Variants in DIP2C observed in about 807,000 individuals in gnomAD.
DIP2C encodes DIP2 acetate--CoA ligase C (putative), also known as disco-interacting protein 2 homolog C.
A neutral mutation model predicts 192.4 loss-of-function variants in DIP2C; 33 were observed. The observed-to-expected ratio is 0.17, with a 90% CI of 0.13 to 0.23. The LOEUF is 0.23. DIP2C is among the 10% of genes least tolerant of loss of function. The pLI is 1.00. For missense variants in DIP2C, 1,537 were observed against 2,110.1 expected, an observed-to-expected ratio of 0.73 and a Z score of 5.32; for synonymous variants, 979 against 864.1, an observed-to-expected ratio of 1.13 and a Z score of -2.33.
At chr10:360,302 G>C (rs1408376365) in intron 22 of DIP2C, among the ~76,000 whole-genome samples, 3 of 152,130 alleles carry the variant, frequency 2.0e-5, no homozygotes, top group African/African-American at 7.2e-5. Context: ...AGTGTCCCCT[G>C]TTGAAGAGAG....
chr10:547,554 A>G (rs1300677571), intron 1 of DIP2C, among the ~76,000 whole-genome samples: 1 of 152,156 alleles, frequency 6.6e-6, no homozygotes, highest in Non-Finnish European at 1.5e-5. Context: ...ATCCAGGAGG[A>G]AGGGAGGGTG....
intron 1 of DIP2C, among the ~76,000 whole-genome samples, chr10:672,178 A>G (rs1176148997): frequency 6.6e-6 from 1 of 151,866 alleles, no homozygotes; most frequent in Non-Finnish European, 1.5e-5. Flanking sequence ...GACGGAGGAA[A>G]CACCACAGAC....
chr10:451,996 C>T (rs114346402), intron 3 of DIP2C, among the ~76,000 whole-genome samples: 1,587 of 152,034 alleles, frequency 0.01, 29 homozygotes, highest in African/African-American at 0.036. Flanking sequence ...CAGCTCAGGG[C>T]GACACAAGGA....
At chr10:481,920 T>C (rs1215098987) in intron 2 of DIP2C, among the ~76,000 whole-genome samples, 1 of 152,176 alleles carries the variant, frequency 6.6e-6, no homozygotes, top group Non-Finnish European at 1.5e-5. Context: ...CCACTTTCCG[T>C]GAGCAGGCAG....
At chr10:622,749 G>A (rs1853951587) in intron 1 of DIP2C, among the ~76,000 whole-genome samples, 1 of 152,148 alleles carries the variant, frequency 6.6e-6, no homozygotes, top group Non-Finnish European at 1.5e-5. Flanking sequence ...CGTTCTAAAT[G>A]TAACTTGCTC....
chr10:329,989 C>T (rs1213090374), intron 29 of DIP2C, among the ~76,000 whole-genome samples: 1 of 151,674 alleles, frequency 6.6e-6, no homozygotes, highest in East Asian at 1.9e-4. Context: ...AGCTGGCAAA[C>T]CACAGACACT....
At chr10:562,343 CAA>C (rs1408475721) in intron 1 of DIP2C, among the ~76,000 whole-genome samples, 1 of 152,192 alleles carries the variant, frequency 6.6e-6, no homozygotes, top group African/African-American at 2.4e-5. Flanking sequence ...ATGTGTTTGA[CAA>C]AGTTACAGGT....
chr10:578,463 T>C lies in DIP2C; in HGVS notation c.86-91933A>G, dbSNP rs560230635. Among the ~76,000 whole-genome samples, 12 of 152,318 alleles carry C rather than the reference T, an allele frequency of 7.9e-5. No homozygotes were observed. In the East Asian group the frequency reaches 2.3e-3, roughly 29 times the overall value. On this transcript the variant is annotated intron_variant, in intron 1 of 36. Transcript: ENST00000280886. Reference sequence around the variant, plus strand: ...AAATCACCAAGTCCCTGTTGTTTCGTTTCTCTCATCTGGGGATGAAACACA... The same window carrying C: ...AAATCACCAAGTCCCTGTTGTTTCGCTTCTCTCATCTGGGGATGAAACACA...
chr10:669,981 T>C (rs1857343498), intron 1 of DIP2C, among the ~76,000 whole-genome samples: 1 of 152,206 alleles, frequency 6.6e-6, no homozygotes, highest in Non-Finnish European at 1.5e-5. Context: ...TTATTAATGA[T>C]GAGCTACCCA....
intron 3 of DIP2C, among the ~76,000 whole-genome samples, chr10:441,668 CCCA>C (rs1772897463): frequency 6.6e-6 from 1 of 152,172 alleles, no homozygotes. Context: ...CCTTTTGCCT[CCCA>C]CCATGATTCT....
chr10:466,446 A>C (rs1204840116), intron 3 of DIP2C, among the ~76,000 whole-genome samples: 7 of 138,526 alleles, frequency 5.1e-5, no homozygotes, highest in Non-Finnish European at 1.1e-4. Flanking sequence ...CTAGAAGAAA[A>C]CCTAGGCATT....
intron 1 of DIP2C, among the ~76,000 whole-genome samples, chr10:631,639 A>G (rs570017767): frequency 6.6e-6 from 1 of 152,340 alleles, no homozygotes; most frequent in South Asian, 2.1e-4. Context: ...ATATTTTTAT[A>G]TAGAGACAAA....
At chr10:604,557 G>T (rs759729418) in intron 1 of DIP2C, among the ~76,000 whole-genome samples, 2 of 152,240 alleles carry the variant, frequency 1.3e-5, no homozygotes, top group South Asian at 2.1e-4. Context: ...GCAAGCGTGC[G>T]GACACGCACC....
At chr10:590,570 G>A (rs1237845671) in intron 1 of DIP2C, among the ~76,000 whole-genome samples, 2 of 152,154 alleles carry the variant, frequency 1.3e-5, no homozygotes, top group African/African-American at 2.4e-5. Context: ...TTCACATTTC[G>A]ATTCAACAAG....
At chr10:423,069 A>G (rs113336366) in intron 4 of DIP2C, 36 bp from the exon 5 acceptor site, 2 of 1,545,938 alleles carry the variant, frequency 1.3e-6, no homozygotes, top group East Asian at 2.3e-5. Flanking sequence ...TGTATGTTGC[A>G]GCAAAAACGT....
chr10:326,997 G>A lies in DIP2C; in HGVS notation c.3924+9C>T, dbSNP rs370161143. 9.3e-5 allele frequency: 149 copies of A among 1,608,722 alleles called. No individual in the cohort carries two copies. The highest frequency in any genetic ancestry group is 1.3e-4 in the East Asian group (6 of 44,876). ...TCCCACTCAGCACTGTGATGTCGCC[G>A]AATCTCACCTGCAAGCAAATCGCCA... On this transcript the variant is annotated intron_variant, in intron 31 of 36. Coordinates refer to ENST00000280886, the MANE Select transcript of DIP2C (RefSeq NM_014974.3).
intron 3 of DIP2C, among the ~76,000 whole-genome samples, chr10:461,841 C>G (rs1268706324): frequency 6.6e-6 from 1 of 152,192 alleles, no homozygotes; most frequent in East Asian, 1.9e-4. Context: ...TCTCAGACTA[C>G]AGTGCAATCA....
At chr10:284,657 G>A (rs1955004587) in intron 34 of DIP2C, among the ~76,000 whole-genome samples, 1 of 152,132 alleles carries the variant, frequency 6.6e-6, no homozygotes, top group Admixed American at 6.5e-5. Context: ...CAGGTTATGG[G>A]GAGAAAATGT....
chr10:525,916 G>A (rs1206582019), intron 1 of DIP2C, among the ~76,000 whole-genome samples: 15 of 152,196 alleles, frequency 9.9e-5, no homozygotes, highest in Admixed American at 9.8e-4. Flanking sequence ...CCAGGAATCT[G>A]CATTTCCAAG....
Sources: gnomAD v4.1 joint callset for allele counts (sites outside exome capture counted in the v4.1 genomes callset) on GRCh38, gnomAD v4.1.1 for gene constraint, MANE v1.5 for transcripts, NCBI Gene and HGNC (gene_info 2026-07-23, HGNC 2026-07-21) for gene names.